The following SMAP1 variants were observed in gnomAD, a reference collection of about 807,000 sequenced individuals.
The protein encoded by SMAP1 is stromal membrane-associated protein 1.
In SMAP1, 24 loss-of-function variants were observed where a neutral mutation model predicts 58.5. That is an observed-to-expected ratio of 0.41 (90% CI 0.30 to 0.58). The LOEUF (loss-of-function observed/expected upper bound fraction) is 0.58, where lower values mean the gene tolerates loss of function less well. SMAP1 is among the 20% of genes least tolerant of loss of function. The probability of loss-of-function intolerance (pLI) is 0.29; values close to 1 mark genes in which losing one functional copy is unlikely to be tolerated. For missense variants in SMAP1, 563 were observed against 566.3 expected, an observed-to-expected ratio of 0.99 and a Z score of 0.06; for synonymous variants, 216 against 196.6, an observed-to-expected ratio of 1.10 and a Z score of -0.82.
chr6:70,735,469 A>C (rs1765583873), intron 2 of SMAP1, among the ~76,000 whole-genome samples: 1 of 152,192 alleles, frequency 6.6e-6, no homozygotes. Flanking sequence ...ATTTTATAAT[A>C]ATTTCTTTGA....
intron 2 of SMAP1, 92 bp downstream of exon 2, chr6:70,732,603 A>G (rs1422885838): frequency 8.5e-7 from 1 of 1,182,742 alleles, no homozygotes; most frequent in African/African-American, 1.6e-5. Context: ...AACATTGAAA[A>G]GTAGTTTTGT....
intron 6 of SMAP1, among the ~76,000 whole-genome samples, chr6:70,819,214 A>ATT (rs530675700): frequency 1.0e-3 from 150 of 149,454 alleles, no homozygotes; most frequent in African/African-American, 3.6e-3. Context: ...TTTTCTTGCA[A>ATT]TTTTTTTTTT....
chr6:70,808,496 G>A (rs530894107), intron 6 of SMAP1, among the ~76,000 whole-genome samples: 3 of 152,250 alleles, frequency 2.0e-5, no homozygotes, highest in Admixed American at 6.5e-5. Flanking sequence ...AACGGTTGCC[G>A]CGGAAGAAGC....
intron 1 of SMAP1, among the ~76,000 whole-genome samples, chr6:70,730,960 T>C (rs1403441773): frequency 1.3e-5 from 2 of 152,090 alleles, no homozygotes. Context: ...CCACCATGCC[T>C]GGCTAATTTT....
intron 1 of SMAP1, among the ~76,000 whole-genome samples, chr6:70,689,079 A>G (rs1256971752): frequency 2.0e-5 from 3 of 151,988 alleles, no homozygotes; most frequent in Non-Finnish European, 4.4e-5. Flanking sequence ...GGCTCACTGC[A>G]TACCCTACGT....
chr6:70,710,516 A>T (rs935164822), intron 1 of SMAP1, among the ~76,000 whole-genome samples: 13 of 132,404 alleles, frequency 9.8e-5, no homozygotes, highest in South Asian at 2.5e-4. Flanking sequence ...AAAAAAAAAA[A>T]GGGTAAACGG....
chr6:70,715,542 A>G (rs546804320), intron 1 of SMAP1, among the ~76,000 whole-genome samples: 7 of 152,230 alleles, frequency 4.6e-5, no homozygotes, highest in Middle Eastern at 3.4e-3. Flanking sequence ...TGCAACTCTG[A>G]TAATGCCTAT....
intron 2 of SMAP1, among the ~76,000 whole-genome samples, chr6:70,747,509 A>G (rs561518062): frequency 8.7e-4 from 133 of 152,306 alleles, no homozygotes; most frequent in Non-Finnish European, 1.4e-3. Flanking sequence ...ATATTCCTGC[A>G]ATAGCCTAGG....
intron 1 of SMAP1, among the ~76,000 whole-genome samples, chr6:70,718,417 G>T (rs529501475): frequency 6.6e-6 from 1 of 152,290 alleles, no homozygotes; most frequent in South Asian, 2.1e-4. Context: ...TAAGTTGGGG[G>T]AATGTGAAAA....
chr6:70,707,207 T>C (rs1380391244), intron 1 of SMAP1, among the ~76,000 whole-genome samples: 1 of 152,216 alleles, frequency 6.6e-6, no homozygotes, highest in Non-Finnish European at 1.5e-5. Context: ...ACATTTGAGC[T>C]TGATTTGTTT....
chr6:70,717,064 C>G (rs1177486732), intron 1 of SMAP1, among the ~76,000 whole-genome samples: 4 of 152,172 alleles, frequency 2.6e-5, no homozygotes, highest in Non-Finnish European at 5.9e-5. Context: ...TTTGTCCAAA[C>G]TACACTCTTT....
chr6:70,805,393 C>A (rs977095370), intron 6 of SMAP1, among the ~76,000 whole-genome samples: 2 of 152,158 alleles, frequency 1.3e-5, no homozygotes, highest in Non-Finnish European at 2.9e-5. Context: ...TTCTAGTTAG[C>A]CATTCGTCTA....
Position 70,830,372 on chromosome 6 carries a change from C to G in SMAP1, c.577-6569C>G, listed in dbSNP as rs577992779. Among the ~76,000 whole-genome samples the G allele has an allele frequency of 7.2e-5, 11 of 152,230 alleles. No individual in the cohort carries two copies. In the South Asian group the frequency reaches 2.3e-3, roughly 32 times the overall value. The stretch of plus-strand genomic sequence containing the variant: ...TTTACTGTTATCACACACTAGTATC[C>G]CTGCCCATAAATCCTAACAAGATAA... On this transcript the variant is annotated intron_variant, in intron 6 of 10. Coordinates refer to ENST00000370455, the MANE Select transcript of SMAP1 (RefSeq NM_001044305.3).
intron 6 of SMAP1, among the ~76,000 whole-genome samples, chr6:70,805,756 G>C (rs890483870): frequency 6.6e-6 from 1 of 152,160 alleles, no homozygotes; most frequent in Non-Finnish European, 1.5e-5. Flanking sequence ...CTAACAGTCA[G>C]GTCCCTCTGC....
chr6:70,689,970 T>C (rs547272330), intron 1 of SMAP1, among the ~76,000 whole-genome samples: 1 of 152,304 alleles, frequency 6.6e-6, no homozygotes, highest in African/African-American at 2.4e-5. Flanking sequence ...TTCTATTAGG[T>C]CTCCTACCTA....
In SMAP1 at chr6:70,774,677, A is replaced by G. The variant is rs183164446; in HGVS notation, c.414+1252A>G. Among the ~76,000 whole-genome samples, 245 of 151,608 alleles carry G rather than the reference A, an allele frequency of 1.6e-3. 1 individual carries two copies. Among genetic ancestry groups the G allele is most frequent in the African/African-American group, 5.7e-3 (234 of 41,370 alleles). ...GAGGATCATTTGAACCCAGGAGTTC[A>G]AGACCAGGCTGCTGGGCAACATAGT... On this transcript the variant is annotated intron_variant, in intron 4 of 10. Coordinates refer to ENST00000370455, the MANE Select transcript of SMAP1 (RefSeq NM_001044305.3).
At chr6:70,785,928 G>A (rs1021805884) in intron 4 of SMAP1, among the ~76,000 whole-genome samples, 1 of 152,158 alleles carries the variant, frequency 6.6e-6, no homozygotes, top group Non-Finnish European at 1.5e-5. Context: ...TAGAAAAAGA[G>A]GGAATCCTCC....
At chr6:70,744,509 T>C (rs1163266344) in intron 2 of SMAP1, among the ~76,000 whole-genome samples, 5 of 152,198 alleles carry the variant, frequency 3.3e-5, no homozygotes, top group African/African-American at 1.2e-4. Flanking sequence ...AACTCATCCA[T>C]TTTTATGGCT....
intron 7 of SMAP1, among the ~76,000 whole-genome samples, chr6:70,838,840 CT>C (rs1053177152): frequency 1.3e-5 from 2 of 152,110 alleles, no homozygotes; most frequent in Non-Finnish European, 2.9e-5. Flanking sequence ...AATAATCTGA[CT>C]TTTGTATTTG....
Sources: allele counts gnomAD v4.1 joint callset (sites outside exome capture counted in the v4.1 genomes callset), GRCh38; gene constraint gnomAD v4.1.1; transcripts MANE v1.5; gene names NCBI Gene and HGNC (gene_info 2026-07-23, HGNC 2026-07-21).